The following PTPRN2 variants were observed in gnomAD, a reference collection of about 807,000 sequenced individuals.
PTPRN2 encodes the protein protein tyrosine phosphatase receptor type N2.
Under a neutral mutation model 118.8 loss-of-function variants are expected in PTPRN2, and 74 were observed. The observed-to-expected ratio is 0.62, with a 90% confidence interval of 0.52 to 0.76. The LOEUF (loss-of-function observed/expected upper bound fraction) is 0.76. PTPRN2 is among the 30% of genes least tolerant of loss of function. PTPRN2 has a pLI of 0.00. For synonymous variants in PTPRN2, 641 were observed against 608.0 expected (o/e 1.05, Z -0.80); for missense variants, 1,481 against 1,394.4 (o/e 1.06, Z -0.99).
chr7:158,422,465 G>T (rs12532469), intron 2 of PTPRN2, among the ~76,000 whole-genome samples: 58 of 152,306 alleles, frequency 3.8e-4, no homozygotes, highest in Middle Eastern at 3.4e-3. Flanking sequence ...TCTCATTTCA[G>T]ATGCACACAC....
chr7:158,325,557 C>G (rs535547333), intron 2 of PTPRN2, among the ~76,000 whole-genome samples: 2 of 152,154 alleles, frequency 1.3e-5, no homozygotes, highest in African/African-American at 4.8e-5. Context: ...ATGGTATGCA[C>G]GTGAAAACTG....
chr7:158,361,892 C>T (rs1390841555), intron 2 of PTPRN2, among the ~76,000 whole-genome samples: 5 of 152,206 alleles, frequency 3.3e-5, no homozygotes, highest in Non-Finnish European at 1.5e-5. Context: ...CTGCCTCTCC[C>T]TCATCCCCCT....
intron 5 of PTPRN2, among the ~76,000 whole-genome samples, chr7:158,177,236 T>C (rs1466602713): frequency 6.6e-6 from 1 of 152,200 alleles, no homozygotes; most frequent in African/African-American, 2.4e-5. Context: ...TATGTCCTCA[T>C]CAAGAGTTGG....
intron 4 of PTPRN2, among the ~76,000 whole-genome samples, chr7:158,197,307 G>T (rs1826283113): frequency 6.6e-6 from 1 of 152,134 alleles, no homozygotes; most frequent in Admixed American, 6.5e-5. Flanking sequence ...CTTGTATATG[G>T]GTCTTTAGTG....
At chr7:157,638,731 T>C (rs1237094715) in intron 14 of PTPRN2, among the ~76,000 whole-genome samples, 1 of 152,218 alleles carries the variant, frequency 6.6e-6, no homozygotes, top group Non-Finnish European at 1.5e-5. Context: ...TGGGAGTGGA[T>C]GATCGGGGTC....
intron 11 of PTPRN2, among the ~76,000 whole-genome samples, chr7:157,931,679 A>T (rs1236240546): frequency 1.3e-5 from 2 of 152,114 alleles, no homozygotes; most frequent in East Asian, 3.9e-4. Flanking sequence ...TGACGAGGGG[A>T]CATTTTCAGT....
chr7:157,895,450 T>C (rs1333614835), intron 12 of PTPRN2, among the ~76,000 whole-genome samples: 1 of 152,006 alleles, frequency 6.6e-6, no homozygotes, highest in African/African-American at 2.4e-5. Context: ...GACGAGACCA[T>C]AAAATAAGTA....
rs937368709 is a variant in PTPRN2 at position 157,990,431 on chromosome 7, C to G, written c.1723+90867G>C. ...CCAGGGGCTCCAAGTCCTCTGGGAT[C>G]CAGGTTCTCCTTCCTTCAGGGCACC... On this transcript the variant is annotated intron_variant, in intron 11 of 22. Transcript: ENST00000389418. This position sits in a 1 kb window ranked among gnomAD's most constrained non-coding sequence, Gnocchi z 4.3. Among the ~76,000 whole-genome samples the G allele has an allele frequency of 1.3e-5, 2 of 152,160 alleles. No homozygotes were observed. The highest frequency in any genetic ancestry group is 2.9e-5 in the Non-Finnish European group (2 of 68,028).
intron 11 of PTPRN2, among the ~76,000 whole-genome samples, chr7:157,981,585 T>A (rs1395928620): frequency 6.6e-6 from 1 of 151,200 alleles, no homozygotes; most frequent in Non-Finnish European, 1.5e-5. Flanking sequence ...TGATTCCATT[T>A]TTTTTTGTAG....
At chr7:158,143,290 C>T (rs1051618311) in intron 6 of PTPRN2, among the ~76,000 whole-genome samples, 23 of 152,106 alleles carry the variant, frequency 1.5e-4, no homozygotes, top group Non-Finnish European at 2.1e-4. Context: ...CTCCACCAGG[C>T]GGAGCCCAGA....
intron 11 of PTPRN2, among the ~76,000 whole-genome samples, chr7:157,919,533 A>T (rs184101728): frequency 2.6e-5 from 4 of 152,302 alleles, no homozygotes; most frequent in African/African-American, 7.2e-5. Flanking sequence ...TGAGGGAAGA[A>T]ATTAAGTAAT....
intron 12 of PTPRN2, among the ~76,000 whole-genome samples, chr7:157,732,201 GC>G (rs1799986444): frequency 3.5e-5 from 3 of 86,858 alleles, no homozygotes; most frequent in African/African-American, 4.3e-5. Context: ...TCCGCCCCAC[GC>G]GCCCAGCACA....
chr7:158,173,161 T>C (rs1470989624), intron 5 of PTPRN2, among the ~76,000 whole-genome samples: 1 of 149,076 alleles, frequency 6.7e-6, no homozygotes, highest in Admixed American at 6.7e-5. Context: ...AACAGCAGCA[T>C]CCACACCATC....
At chr7:157,747,110 C>A (rs1162677673) in intron 12 of PTPRN2, among the ~76,000 whole-genome samples, 1 of 59,548 alleles carries the variant, frequency 1.7e-5, no homozygotes, top group Non-Finnish European at 3.0e-5. Flanking sequence ...GCTGTTGAGG[C>A]GATTCTGAGG....
chr7:157,810,573 G>A (rs13240580), intron 12 of PTPRN2, among the ~76,000 whole-genome samples: 12,993 of 130,220 alleles, frequency 0.1, 1,073 homozygotes, highest in Non-Finnish European at 0.14. Flanking sequence ...TGGGGGCTGG[G>A]CTCTCCATGG....
chr7:158,504,288 G>C (rs574965882), intron 1 of PTPRN2, among the ~76,000 whole-genome samples: 2 of 152,242 alleles, frequency 1.3e-5, no homozygotes, highest in African/African-American at 4.8e-5. Flanking sequence ...CCTGCACAGA[G>C]CATCCCCTCA....
intron 3 of PTPRN2, among the ~76,000 whole-genome samples, chr7:158,263,818 G>A (rs1797699345): frequency 6.6e-6 from 1 of 152,212 alleles, no homozygotes; most frequent in Non-Finnish European, 1.5e-5. Flanking sequence ...GACACTGAGT[G>A]AGAGGCACTT....
intron 11 of PTPRN2, among the ~76,000 whole-genome samples, chr7:158,019,592 C>T (rs1806713891): frequency 6.6e-6 from 1 of 152,206 alleles, no homozygotes; most frequent in East Asian, 1.9e-4. Context: ...TGAAAGAGGG[C>T]GCTTAAATTA....
intron 12 of PTPRN2, among the ~76,000 whole-genome samples, chr7:157,817,826 G>A (rs1806512868): frequency 6.6e-6 from 1 of 152,062 alleles, no homozygotes; most frequent in Non-Finnish European, 1.5e-5. Context: ...CATGTTTGGT[G>A]TGTGTGTGTA....
Sources: allele counts gnomAD v4.1 joint callset (sites outside exome capture counted in the v4.1 genomes callset), GRCh38; gene constraint gnomAD v4.1.1; non-coding constraint Gnocchi (gnomAD v3.1); transcripts MANE v1.5; gene names NCBI Gene and HGNC (gene_info 2026-07-23, HGNC 2026-07-21).